Variants in SPTA1 observed in about 807,000 individuals in gnomAD.
SPTA1 encodes spectrin alpha chain, erythrocytic 1.
In SPTA1, 177 loss-of-function variants were observed where a neutral mutation model predicts 324.7. The observed-to-expected ratio is 0.55, with a 90% confidence interval of 0.48 to 0.62. SPTA1 has a LOEUF of 0.62. Among genes scored for constraint, SPTA1 ranks in the 20% least tolerant of loss-of-function variants. The pLI is 0.00. For synonymous variants in SPTA1, 1,195 were observed against 1,041.3 expected, an observed-to-expected ratio of 1.15 and a Z score of -2.84; for missense variants, 3,162 against 2,883.6, an observed-to-expected ratio of 1.10 and a Z score of -2.21.
rs777825269 is a variant in SPTA1 at position 158,636,712 on chromosome 1, C to T, written c.5239G>A (p.Gly1747Arg). The change falls in exon 37 of 52, where the codon GGG (glycine) becomes AGG (arginine). Residue 1747 changes from glycine (G) to arginine (R), a missense_variant. Coordinates refer to ENST00000643759, the MANE Select transcript of SPTA1 (RefSeq NM_003126.4). Reference sequence around the variant, plus strand: ...TGCTTCTTCAGCAAGTTCTGAACCCCCTGAAGATCTCTCCCATAGTCCTGG... The same window carrying T: ...TGCTTCTTCAGCAAGTTCTGAACCCTCTGAAGATCTCTCCCATAGTCCTGG... Reference protein sequence around the residue: ...SSQDYGRDLQGVQNLLKKHKR... With the variant: ...SSQDYGRDLQRVQNLLKKHKR... 1.2e-6 allele frequency: 2 copies of T among 1,614,116 alleles called. No homozygotes were observed. The highest frequency in any genetic ancestry group is 1.7e-6 in the Non-Finnish European group (2 of 1,180,008).
At position 158,669,575 on chromosome 1, in the gene SPTA1, A is replaced by G. The variant is rs758433925; in HGVS notation, c.1678-12T>C. ...CGCCGGGCTAACAGCTGCAAAAACC[A>G]TGAGTAAACTTACTGTCAGCACAAC... On this transcript the variant is annotated splice_polypyrimidine_tract_variant and intron_variant, in intron 13 of 51. Transcript: ENST00000643759. The G allele has an allele frequency of 6.2e-6, 10 of 1,614,160 alleles. No homozygotes were observed. Among genetic ancestry groups the G allele is most frequent in the African/African-American group, 2.7e-5 (2 of 75,060 alleles).
At chr1:158,666,666 C>T (rs1410160540) in intron 15 of SPTA1, among the ~76,000 whole-genome samples, 169 bp from the exon 16 acceptor site, 2 of 152,060 alleles carry the variant, frequency 1.3e-5, no homozygotes, top group African/African-American at 4.8e-5. Context: ...TTGTAGAATT[C>T]TGATAATATT....
At chr1:158,685,441 C>T (rs1655107561) in intron 1 of SPTA1, 94 bp from the exon 2 acceptor site, 2 of 1,552,860 alleles carry the variant, frequency 1.3e-6, no homozygotes, top group Non-Finnish European at 1.8e-6. Context: ...CATGTTGGAC[C>T]TATATTCAGA....
At position 158,683,474 on chromosome 1, in the gene SPTA1, G is replaced by C; in HGVS notation, c.287C>G (p.Ser96Cys). 1 of 1,613,134 alleles carries C rather than the reference G, an allele frequency of 6.2e-7. No individual in the cohort carries two copies. ...NIQGKYQKHQ[S>C]LEAEVQTKSR... ...TTTTGTTTGCACCTCTGCTTCAAGG[G>C]ATTGATGCTTCTGATATTTCCCCTA... Residue 96 changes from serine (S) to cysteine (C), a missense_variant, in exon 3 of 52, where the codon TCC (serine) becomes TGC (cysteine). Physicochemically the swap from Ser to Cys is moderately radical, Grantham distance 112. Transcript: ENST00000643759.
Position 158,648,557 on chromosome 1 carries a change from C to T in SPTA1, c.3666G>A (p.Gln1222=), listed in dbSNP as rs1353792497. The T allele has an allele frequency of 6.2e-7, 1 of 1,614,064 alleles. No individual in the cohort carries two copies. The highest frequency in any genetic ancestry group is 2.2e-5 in the East Asian group (1 of 44,878). ...CCCTTTCAAAGCCCTCATGCCGTCG[C>T]TGAAGAGCCTGAACACTGAACAGAT... is the stretch of plus-strand genomic sequence containing the variant. ...GSDLFSVQAL[Q]RRHEGFERDL... The change falls in exon 26 of 52, where the codon CAG becomes CAA. Residue 1222 remains glutamine (Q), a synonymous_variant. Transcript: ENST00000643759.
At chr1:158,639,797 C>T (rs1651394119) in intron 34 of SPTA1, 73 bp downstream of exon 34, 4 of 1,612,730 alleles carry the variant, frequency 2.5e-6, no homozygotes, top group Middle Eastern at 1.8e-4. Context: ...AGGAAATTGC[C>T]CATGGGTAAA....
At chr1:158,612,718 A>C (rs1455420341) in intron 51 of SPTA1, 99 bp downstream of exon 51, 1 of 1,387,518 alleles carries the variant, frequency 7.2e-7, no homozygotes, top group South Asian at 1.2e-5. Context: ...AAAAAAAAAA[A>C]CAAGTGGGTG....
intron 44 of SPTA1, 79 bp downstream of exon 44, chr1:158,620,091 T>A: frequency 6.5e-7 from 1 of 1,549,468 alleles, no homozygotes; most frequent in Non-Finnish European, 8.9e-7. Context: ...TCCTTCTATG[T>A]CAAAAGTCTA....
Position 158,623,037 on chromosome 1 carries a change from T to C in SPTA1, c.6066A>G (p.Glu2022=). ...ATTTCTGTCTGTGGACTGCCGAGGCTTCCAGCAACTGTTCCCAGCGCTTCA... is the reference window on the plus strand; with the variant it reads ...ATTTCTGTCTGTGGACTGCCGAGGCCTCCAGCAACTGTTCCCAGCGCTTCA... The part of the protein sequence containing the change: ...ALLKRWEQLL[E]ASAVHRQKLL... Residue 2022 remains glutamate (E), a synonymous_variant, in exon 43 of 52, where the codon GAA becomes GAG. Transcript: ENST00000643759. The C allele has an allele frequency of 6.2e-7, 1 of 1,614,210 alleles. No homozygotes were observed. The highest frequency in any genetic ancestry group is 8.5e-7 in the Non-Finnish European group (1 of 1,180,034).
rs1488860956 is a variant in SPTA1 at position 158,654,666 on chromosome 1, CG to C, written c.2980del (p.Arg994GlufsTer5). 1 of 1,613,832 alleles carries C rather than the reference CG, an allele frequency of 6.2e-7. No individual in the cohort carries two copies. Among genetic ancestry groups the C allele is most frequent in the Non-Finnish European group, 8.5e-7 (1 of 1,179,966 alleles). On this transcript the variant is annotated frameshift_variant, in exon 21 of 52. Coordinates refer to ENST00000643759, the MANE Select transcript of SPTA1 (RefSeq NM_003126.4). LOFTEE classifies it high-confidence loss of function. The part of the protein sequence containing the change: ...ALYDFQARSP[R>X]EVTMKKGDVL... The stretch of plus-strand genomic sequence containing the variant: ...ATCACCTTTCTTCATGGTGACTTCT[CG>C]GGGGCTGCGGGCCTGGAAGTCATAT...
chr1:158,667,239 G>A (rs1406572469), intron 15 of SPTA1, among the ~76,000 whole-genome samples: 2 of 152,030 alleles, frequency 1.3e-5, no homozygotes, highest in African/African-American at 4.8e-5. Flanking sequence ...TATAACAAGG[G>A]GCACATGAAT....
chr1:158,627,590 T>G, intron 40 of SPTA1, 35 bp downstream of exon 40: 1 of 1,599,398 alleles, frequency 6.3e-7, no homozygotes, highest in Non-Finnish European at 8.6e-7. Flanking sequence ...TTTTGGAGAA[T>G]GGAAGTTTGA....
chr1:158,625,253 A>C (rs1220261161), intron 42 of SPTA1, among the ~76,000 whole-genome samples: 1 of 152,200 alleles, frequency 6.6e-6, no homozygotes, highest in African/African-American at 2.4e-5. Flanking sequence ...GAAAAAGTAC[A>C]CTTTAAATCA....
At chr1:158,682,435 T>G (rs1654880605) in intron 3 of SPTA1, among the ~76,000 whole-genome samples, 1 of 152,200 alleles carries the variant, frequency 6.6e-6, no homozygotes, top group Admixed American at 6.5e-5. Context: ...GCTGGTTACA[T>G]GCAAAACTGT....
intron 35 of SPTA1, among the ~76,000 whole-genome samples, chr1:158,638,963 T>C (rs1428233730): frequency 6.6e-6 from 1 of 152,132 alleles, no homozygotes; most frequent in Non-Finnish European, 1.5e-5. Flanking sequence ...TGTCTACTCC[T>C]ATTCTAACCC....
At chr1:158,667,821 T>C (rs1418894678) in intron 15 of SPTA1, 37 bp downstream of exon 15, 1 of 1,605,532 alleles carries the variant, frequency 6.2e-7, no homozygotes, top group Admixed American at 1.7e-5. Flanking sequence ...TTTCAGAATT[T>C]AGAAAATGAC....
intron 15 of SPTA1, among the ~76,000 whole-genome samples, chr1:158,666,751 C>A (rs1009050261): frequency 6.6e-6 from 1 of 152,120 alleles, no homozygotes; most frequent in South Asian, 2.1e-4. Flanking sequence ...TATAGTTCTG[C>A]TGTGTCAGAT....
intron 51 of SPTA1, 98 bp downstream of exon 51, chr1:158,612,719 C>G (rs1034871553): frequency 3.4e-5 from 44 of 1,311,834 alleles, no homozygotes; most frequent in South Asian, 8.9e-5. Flanking sequence ...AAAAAAAAAA[C>G]AAGTGGGTGG....
intron 26 of SPTA1, 150 bp downstream of exon 26, chr1:158,648,359 T>G: frequency 8.3e-7 from 1 of 1,202,720 alleles, no homozygotes; most frequent in Non-Finnish European, 1.2e-6. Context: ...TGGTCTTGCC[T>G]TAGGGACAGT....
Sources: allele counts gnomAD v4.1 joint callset (sites outside exome capture counted in the v4.1 genomes callset), GRCh38; gene constraint gnomAD v4.1.1; transcripts MANE v1.5; gene names NCBI Gene and HGNC (gene_info 2026-07-23, HGNC 2026-07-21).